TMPRSS11D: variants seen among roughly 807,000 people sequenced by gnomAD.
TMPRSS11D encodes transmembrane serine protease 11D.
A neutral mutation model predicts 44.4 loss-of-function variants in TMPRSS11D; 32 were observed. That is an observed-to-expected ratio of 0.72 (90% CI 0.54 to 0.97). The LOEUF is 0.97. TMPRSS11D is among the 50% of genes least tolerant of loss of function. TMPRSS11D has a pLI of 0.00. For synonymous variants in TMPRSS11D, 179 were observed against 177.9 expected (o/e 1.01, Z -0.05); for missense variants, 446 against 502.6 (o/e 0.89, Z 1.08).
At chr4:67,850,023 A>G (rs1467558931) in intron 3 of TMPRSS11D, among the ~76,000 whole-genome samples, 3 of 152,342 alleles carry the variant, frequency 2.0e-5, no homozygotes, top group African/African-American at 7.2e-5. Context: ...TACATATGTA[A>G]GATTAACTAG....
intron 3 of TMPRSS11D, among the ~76,000 whole-genome samples, chr4:67,848,759 A>C (rs1432880748): frequency 6.6e-6 from 1 of 152,216 alleles, no homozygotes; most frequent in Non-Finnish European, 1.5e-5. Context: ...TTAAGGAATG[A>C]AAGAAAGCCA....
chr4:67,874,665 C>A (rs1315284510), intron 1 of TMPRSS11D, among the ~76,000 whole-genome samples: 79 of 151,946 alleles, frequency 5.2e-4, no homozygotes, highest in African/African-American at 1.8e-3. Context: ...TGCACAGGTT[C>A]AATAAATAAA....
At position 67,830,451 on chromosome 4, in the gene TMPRSS11D, A is replaced by G. The variant is rs573967465; in HGVS notation, c.692+2753T>C. Among the ~76,000 whole-genome samples the G allele has an allele frequency of 3.3e-3, 509 of 152,210 alleles. 1 individual carries two copies. The highest frequency in any genetic ancestry group is 5.0e-3 in the Non-Finnish European group (342 of 67,958). ...GTTGAGTAAAAACAAAATGTTACCG[A>G]TAATACCAATTTAGGAGTTTTATGG... On this transcript the variant is annotated intron_variant, in intron 7 of 9. Coordinates refer to ENST00000283916, the MANE Select transcript of TMPRSS11D (RefSeq NM_004262.3).
intron 1 of TMPRSS11D, among the ~76,000 whole-genome samples, chr4:67,874,046 C>A (rs998333438): frequency 6.6e-6 from 1 of 152,104 alleles, no homozygotes; most frequent in African/African-American, 2.4e-5. Context: ...TTTTAATGTA[C>A]CTTTTTTATA....
At chr4:67,871,439 G>T (rs1719061517) in intron 1 of TMPRSS11D, among the ~76,000 whole-genome samples, 1 of 152,140 alleles carries the variant, frequency 6.6e-6, no homozygotes, top group South Asian at 2.1e-4. Flanking sequence ...TAGGAGGATG[G>T]TATAGACTGC....
chr4:67,831,035 T>C (rs1449497376), intron 7 of TMPRSS11D, among the ~76,000 whole-genome samples: 1 of 152,114 alleles, frequency 6.6e-6, no homozygotes, highest in African/African-American at 2.4e-5. Context: ...GTCTACTTTG[T>C]ATAAGGAATA....
At chr4:67,881,539 C>T (rs1719320945) in intron 1 of TMPRSS11D, among the ~76,000 whole-genome samples, 1 of 152,156 alleles carries the variant, frequency 6.6e-6, no homozygotes, top group South Asian at 2.1e-4. Flanking sequence ...AATTGGTGTC[C>T]ACCTGCCTAA....
At chr4:67,825,973 T>C (rs1717783153) in intron 8 of TMPRSS11D, 99 bp from the exon 9 acceptor site, 16 of 1,334,940 alleles carry the variant, frequency 1.2e-5, no homozygotes, top group Non-Finnish European at 1.6e-5. Flanking sequence ...CCAAACATTA[T>C]TTCATATTTA....
rs1717649769 is a variant in TMPRSS11D at position 67,821,818 on chromosome 4, C to T, written c.*519G>A. 1 of 152,404 alleles carries T rather than the reference C, an allele frequency of 6.6e-6. No individual in the cohort carries two copies. The highest frequency in any genetic ancestry group is 2.4e-5 in the African/African-American group (1 of 41,412). The allele number at this position is 152,404 out of a possible 1,614,324, so 9.4% of individuals were successfully genotyped here. A position where few individuals can be genotyped will look rare whatever the true frequency, so the allele number is the denominator to read the frequency against. ...CAGTTTCACATTTTTAATTTTAGGA[C>T]TCATACTAAGTATAAGATATTGAGT... On this transcript the variant is annotated 3_prime_UTR_variant, in exon 10 of 10. Coordinates refer to ENST00000283916, the MANE Select transcript of TMPRSS11D (RefSeq NM_004262.3).
intron 3 of TMPRSS11D, 142 bp from the exon 4 acceptor site, chr4:67,842,767 A>G: frequency 1.4e-6 from 1 of 723,246 alleles, no homozygotes; most frequent in Non-Finnish European, 2.3e-6. Context: ...ATTGCAAAAC[A>G]CATGGGATTG....
intron 1 of TMPRSS11D, among the ~76,000 whole-genome samples, chr4:67,865,006 T>C (rs1718885491): frequency 6.6e-6 from 1 of 151,932 alleles, no homozygotes; most frequent in South Asian, 2.1e-4. Flanking sequence ...AAATTGGACT[T>C]AGACCAAATG....
chr4:67,827,463 T>C lies in TMPRSS11D; in HGVS notation c.750A>G (p.Lys250=). 1 of 1,612,322 alleles carries C rather than the reference T, an allele frequency of 6.2e-7. No individual in the cohort carries two copies. Among genetic ancestry groups the C allele is most frequent in the African/African-American group, 1.3e-5 (1 of 74,952 alleles). The change falls in exon 8 of 10, where the codon AAA becomes AAG. Residue 250 remains lysine (K), a synonymous_variant. Coordinates refer to ENST00000283916, the MANE Select transcript of TMPRSS11D (RefSeq NM_004262.3). Reference sequence around the variant, plus strand: ...AAATATTTCTTACTCTCATTCTTAGTTTAGGAAATGTTGTGGAAATACCAG... The same window carrying C: ...AAATATTTCTTACTCTCATTCTTAGCTTAGGAAATGTTGTGGAAATACCAG... ...ATSGISTTFP[K]LRMRVRNILI...
intron 8 of TMPRSS11D, among the ~76,000 whole-genome samples, chr4:67,826,821 G>C (rs1479579770): frequency 1.3e-5 from 2 of 151,872 alleles, no homozygotes; most frequent in Admixed American, 1.3e-4. Context: ...AGCTACTTGG[G>C]AGGCTGAAGC....
chr4:67,883,967 C>T lies in TMPRSS11D; in HGVS notation c.-34G>A. On this transcript the variant is annotated 5_prime_UTR_variant, in exon 1 of 10. Coordinates refer to ENST00000283916, the MANE Select transcript of TMPRSS11D (RefSeq NM_004262.3). The stretch of plus-strand genomic sequence containing the variant: ...TTAATGAAGAGGTTCTTTTTTCTGC[C>T]TACTCAACTGCTTTGAGATTCCCAC... 1 of 1,595,160 alleles carries T rather than the reference C, an allele frequency of 6.3e-7. No homozygotes were observed.
intron 1 of TMPRSS11D, among the ~76,000 whole-genome samples, chr4:67,860,203 C>T (rs377555928): frequency 1.4e-4 from 22 of 152,120 alleles, no homozygotes; most frequent in African/African-American, 4.6e-4. Context: ...TATTAAAAAT[C>T]GGCAGAGGCA....
intron 1 of TMPRSS11D, among the ~76,000 whole-genome samples, chr4:67,882,336 C>T (rs760238112): frequency 6.6e-6 from 1 of 152,052 alleles, no homozygotes; most frequent in Non-Finnish European, 1.5e-5. Context: ...TACCTAGCTG[C>T]TATTTATTAG....
intron 1 of TMPRSS11D, among the ~76,000 whole-genome samples, chr4:67,875,885 G>A (rs1719179485): frequency 2.0e-5 from 3 of 152,294 alleles, no homozygotes; most frequent in South Asian, 2.1e-4. Context: ...ATCTCCCAAA[G>A]TATTTAATGA....
At chr4:67,851,788 T>TACTA (rs1010839902) in intron 3 of TMPRSS11D, among the ~76,000 whole-genome samples, 2 of 152,228 alleles carry the variant, frequency 1.3e-5, no homozygotes, top group African/African-American at 4.8e-5. Context: ...TCTGTGTTAG[T>TACTA]GTTAACCTGT....
At chr4:67,864,062 A>G (rs866781219) in intron 1 of TMPRSS11D, among the ~76,000 whole-genome samples, 1 of 151,908 alleles carries the variant, frequency 6.6e-6, no homozygotes, top group Non-Finnish European at 1.5e-5. Flanking sequence ...ACCATAAAAA[A>G]CTTTAGAGAA....
Sources: gnomAD v4.1 joint callset for allele counts (sites outside exome capture counted in the v4.1 genomes callset) on GRCh38, gnomAD v4.1.1 for gene constraint, MANE v1.5 for transcripts, NCBI Gene and HGNC (gene_info 2026-07-23, HGNC 2026-07-21) for gene names.